Variants in DNAH11 observed in about 807,000 individuals in gnomAD.
DNAH11 encodes the protein axonemal beta dynein heavy chain 11.
Under a neutral mutation model 526.0 loss-of-function variants are expected in DNAH11, and 442 were observed. The ratio of observed to expected loss-of-function variants is 0.84; its 90% CI spans 0.78 to 0.91. The LOEUF (loss-of-function observed/expected upper bound fraction) is 0.91. DNAH11 is among the 40% of genes least tolerant of loss of function. DNAH11 has a pLI of 0.00. For missense variants in DNAH11, 6,989 were observed against 5,448.7 expected (o/e 1.28, Z -8.90); for synonymous variants, 2,461 against 1,935.9 (o/e 1.27, Z -7.12).
At chr7:21,627,896 A>G (rs1233221398) in intron 25 of DNAH11, among the ~76,000 whole-genome samples, 3 of 152,146 alleles carry the variant, frequency 2.0e-5, no homozygotes, top group Admixed American at 6.5e-5. Flanking sequence ...TACTCTTCCA[A>G]TCCATGAGCG....
At chr7:21,667,782 AT>A (rs200175476) in intron 30 of DNAH11, among the ~76,000 whole-genome samples, 28 of 152,096 alleles carry the variant, frequency 1.8e-4, no homozygotes, top group Admixed American at 7.9e-4. Flanking sequence ...TACGTATGTG[AT>A]TTTTTTTGCT....
Position 21,655,869 on chromosome 7 carries a change from C to A in DNAH11, c.4982C>A (p.Ala1661Glu). 1 of 1,613,244 alleles carries A rather than the reference C, an allele frequency of 6.2e-7. No individual in the cohort carries two copies. Among genetic ancestry groups the A allele is most frequent in the South Asian group, 1.1e-5 (1 of 90,988 alleles). ...CTTGCCAAACTTTTCGACAGCATTG[C>A]AGATCTGCAGTTTGAAGACAATCAG... ...CHLAKLFDSI[A>E]DLQFEDNQDV... Residue 1661 changes from alanine to glutamate, a missense_variant, in exon 29 of 82, where the codon GCA (alanine) becomes GAA (glutamate). By Grantham distance (107) the Ala-to-Glu change is moderately radical. Transcript: ENST00000409508.
At chr7:21,712,998 T>G (rs180875966) in intron 42 of DNAH11, among the ~76,000 whole-genome samples, 1 of 152,266 alleles carries the variant, frequency 6.6e-6, no homozygotes, top group African/African-American at 2.4e-5. Flanking sequence ...AAGAAATCAC[T>G]TAGGTTATGT....
chr7:21,646,982 A>G (rs2128462551), intron 28 of DNAH11, among the ~76,000 whole-genome samples: 1 of 152,314 alleles, frequency 6.6e-6, no homozygotes, highest in African/African-American at 2.4e-5. Context: ...GAAAAAAGAG[A>G]CAAATCAAAA....
chr7:21,825,959 C>CA lies in DNAH11; in HGVS notation c.10691+7637dup, dbSNP rs56255077. 3.4e-3 allele frequency among the ~76,000 whole-genome samples: 234 copies of CA among 68,114 alleles called. 1 individual carries two copies. Among genetic ancestry groups the CA allele is most frequent in the Middle Eastern group, 0.011 (1 of 90 alleles). 44.7% of individuals were successfully genotyped at this position (68,114 alleles called of 152,430 possible). A position where few individuals can be genotyped will look rare whatever the true frequency, so the allele number is the denominator to read the frequency against. ...GGGCGAAGGAGTGAGACTCTGTCTC[C>CA]AAAAAAAAAAAAAAAAAGTGTTTTG... is the stretch of plus-strand genomic sequence containing the variant. On this transcript the variant is annotated intron_variant, in intron 65 of 81. Transcript: ENST00000409508.
Position 21,864,587 on chromosome 7 carries a change from G to A in DNAH11, c.11426G>A (p.Arg3809Gln), listed in dbSNP as rs753081155. The change falls in exon 70 of 82, where the codon CGA becomes CAA. Residue 3809 changes from arginine (R) to glutamine (Q), a missense_variant. Coordinates refer to ENST00000409508, the MANE Select transcript of DNAH11 (RefSeq NM_001277115.2). ...IDPLELDFLLRFTVEHTHLSP... is the reference protein window; with the variant it reads ...IDPLELDFLLQFTVEHTHLSP... ...CCTCTTGAATTGGATTTCCTGCTTC[G>A]ATTCACAGTTGAACACACTCATCTG... 3.7e-5 allele frequency: 59 copies of A among 1,611,490 alleles called. No homozygotes were observed. The highest frequency in any genetic ancestry group is 2.8e-4 in the African/African-American group (21 of 74,814).
intron 65 of DNAH11, among the ~76,000 whole-genome samples, chr7:21,838,716 C>CTATTTATTTATTTATTTATTTATT (rs34468017): frequency 5.4e-4 from 81 of 148,988 alleles, no homozygotes; most frequent in African/African-American, 1.9e-3. Context: ...GATTTTTAAA[C>CTATTTATTTATTTATTTATTTATT]TATTTATTTA....
chr7:21,695,221 T>C (rs1228310836), intron 35 of DNAH11, among the ~76,000 whole-genome samples: 1 of 152,194 alleles, frequency 6.6e-6, no homozygotes, highest in African/African-American at 2.4e-5. Flanking sequence ...ATTGACTTTC[T>C]TCACAGAAGT....
intron 73 of DNAH11, among the ~76,000 whole-genome samples, chr7:21,871,407 T>C (rs1783490596): frequency 6.6e-6 from 1 of 152,232 alleles, no homozygotes. Flanking sequence ...CAAGAATAGC[T>C]GCCAAGCTAG....
At chr7:21,611,478 A>G (rs1053882985) in intron 20 of DNAH11, among the ~76,000 whole-genome samples, 7 of 152,234 alleles carry the variant, frequency 4.6e-5, no homozygotes, top group African/African-American at 1.7e-4. Flanking sequence ...TCCCTCATGT[A>G]TCTATTTATT....
chr7:21,876,136 G>A (rs757039296), intron 74 of DNAH11, among the ~76,000 whole-genome samples: 88 of 152,098 alleles, frequency 5.8e-4, no homozygotes, highest in Middle Eastern at 3.4e-3. Context: ...TGCCCGCCTC[G>A]GCATCCGAAG....
chr7:21,637,275 C>G (rs146072080), intron 26 of DNAH11, among the ~76,000 whole-genome samples: 11 of 151,994 alleles, frequency 7.2e-5, no homozygotes, highest in Non-Finnish European at 1.5e-4. Context: ...GTCTCCCTTT[C>G]TCTTCTTTTT....
Position 21,739,690 on chromosome 7 carries a change from T to G in DNAH11, c.7914+17T>G, listed in dbSNP as rs773280068. The stretch of plus-strand genomic sequence containing the variant: ...AGGCTACAGGTAGGGTGTTGAATAC[T>G]GCTCTCAAAAACTGTAGGTCTGTAT... On this transcript the variant is annotated intron_variant, in intron 48 of 81. Coordinates refer to ENST00000409508, the MANE Select transcript of DNAH11 (RefSeq NM_001277115.2). The G allele has an allele frequency of 1.3e-6, 2 of 1,586,758 alleles. No individual in the cohort carries two copies. The highest frequency in any genetic ancestry group is 3.4e-5 in the Admixed American group (2 of 59,194).
At chr7:21,727,374 C>T (rs985922334) in intron 45 of DNAH11, among the ~76,000 whole-genome samples, 3 of 152,176 alleles carry the variant, frequency 2.0e-5, no homozygotes, top group Non-Finnish European at 4.4e-5. Flanking sequence ...TATTTCTGAA[C>T]TTACTGTAAA....
chr7:21,894,736 A>G lies in DNAH11; in HGVS notation c.12864A>G (p.Glu4288=). 6.2e-7 allele frequency: 1 copy of G among 1,613,012 alleles called. No individual in the cohort carries two copies. ...CATATGTTCTTGTTTGCTTCCAAGA[A>G]TGTGAGAGGATGAATATTCTCATTC... is the stretch of plus-strand genomic sequence containing the variant. ...RSPYVLVCFQ[E]CERMNILIRE... is the part of the protein sequence containing the mutation. Residue 4288 remains glutamate, a synonymous_variant, in exon 78 of 82, where the codon GAA becomes GAG. Coordinates refer to ENST00000409508, the MANE Select transcript of DNAH11 (RefSeq NM_001277115.2).
chr7:21,809,934 A>G (rs994250523), intron 63 of DNAH11, among the ~76,000 whole-genome samples: 12 of 152,176 alleles, frequency 7.9e-5, no homozygotes, highest in African/African-American at 2.9e-4. Context: ...TTTCAACAAG[A>G]ACATAAAAAT....
intron 68 of DNAH11, among the ~76,000 whole-genome samples, chr7:21,857,509 A>T (rs1782896655): frequency 1.4e-5 from 2 of 146,982 alleles, no homozygotes; most frequent in African/African-American, 5.0e-5. Flanking sequence ...CAAAGGACTT[A>T]AAATAGCTAA....
At chr7:21,797,616 T>A (rs555815024) in intron 61 of DNAH11, among the ~76,000 whole-genome samples, 1 of 152,250 alleles carries the variant, frequency 6.6e-6, no homozygotes, top group Non-Finnish European at 1.5e-5. Flanking sequence ...AATCTCTGAA[T>A]ACACATAAAA....
At position 21,636,038 on chromosome 7, in the gene DNAH11, T is replaced by G. The variant is rs200603235; in HGVS notation, c.4668T>G (p.Ile1556Met). 2.5e-6 allele frequency: 4 copies of G among 1,613,512 alleles called. No individual in the cohort carries two copies. Among genetic ancestry groups the G allele is most frequent in the Admixed American group, 3.3e-5 (2 of 59,960 alleles). ...GCATTTTTGTCTGTTCAGAAGATAT[T>G]CGAATCCAGCTTGTGAAAGATGCTA... The part of the protein sequence containing the change: ...LESIFVCSED[I>M]RIQLVKDARR... The change falls in exon 26 of 82, where the codon ATT becomes ATG. Residue 1556 changes from isoleucine (I) to methionine (M), a missense_variant. Physicochemically the swap from Ile to Met is conservative, Grantham distance 10. Transcript: ENST00000409508.
Sources: gnomAD v4.1 joint callset for allele counts (sites outside exome capture counted in the v4.1 genomes callset) on GRCh38, gnomAD v4.1.1 for gene constraint, MANE v1.5 for transcripts, NCBI Gene and HGNC (gene_info 2026-07-23, HGNC 2026-07-21) for gene names.